The following ZNF624 variants were observed in gnomAD, a reference collection of about 807,000 sequenced individuals.
The protein encoded by ZNF624 is zinc finger protein 624.
Under a neutral mutation model 74.7 loss-of-function variants are expected in ZNF624, and 43 were observed. That is an observed-to-expected ratio of 0.58 (90% confidence interval 0.45 to 0.74). The LOEUF is 0.74. Ranked by LOEUF, ZNF624 falls within the 30% of genes least tolerant of loss-of-function variation. The probability of loss-of-function intolerance (pLI) is 0.00; values close to 1 mark genes in which losing one functional copy is unlikely to be tolerated. For missense variants in ZNF624, 820 were observed against 1,030.0 expected (o/e 0.80, Z 2.79); for synonymous variants, 331 against 341.3 (o/e 0.97, Z 0.33).
At chr17:16,630,979 GTACTCAA>G (rs1909193911) in intron 5 of ZNF624, among the ~76,000 whole-genome samples, 1 of 61,576 alleles carries the variant, frequency 1.6e-5, no homozygotes, top group Non-Finnish European at 3.0e-5. Context: ...TCTAGAAATT[GTACTCAA>G]TACTCAATAC....
intron 2 of ZNF624, 125 bp from the exon 3 acceptor site, chr17:16,647,519 C>T: frequency 2.8e-6 from 2 of 723,244 alleles, no homozygotes; most frequent in South Asian, 1.8e-5. Flanking sequence ...TACTGTTTTA[C>T]TTAGGGCTGA....
intron 4 of ZNF624, 111 bp from the exon 5 acceptor site, chr17:16,634,068 T>C (rs1490460280): frequency 1.4e-5 from 11 of 769,852 alleles, no homozygotes; most frequent in Admixed American, 2.4e-5. Flanking sequence ...CAGGAAGTTC[T>C]AGAGCTGCAC....
rs1908953396 is a variant in ZNF624, at chr17:16,622,733, T to C, written c.2153A>G (p.His718Arg). ...ACATTTAAATGGTTTCTCTCCAGTA[T>C]GTGTTCTTTGATGTGTATTAAAGCC... ...NSGFNTHQRT[H>R]TGEKPFKCND... The change falls in exon 6 of 6, where the codon CAT becomes CGT. Residue 718 changes from histidine (H) to arginine (R), a missense_variant. Coordinates refer to ENST00000311331, the MANE Select transcript of ZNF624 (RefSeq NM_020787.4). The C allele has an allele frequency of 3.1e-6, 5 of 1,613,730 alleles. No homozygotes were observed. The highest frequency in any genetic ancestry group is 4.2e-6 in the Non-Finnish European group (5 of 1,179,998).
intron 1 of ZNF624, among the ~76,000 whole-genome samples, chr17:16,651,202 A>G (rs7210566): frequency 0.33 from 49,369 of 151,750 alleles, 10,631 homozygotes; most frequent in African/African-American, 0.61. Flanking sequence ...CGAGGCGGGC[A>G]GAGCACCTGA....
At position 16,647,305 on chromosome 17, in the gene ZNF624, T is replaced by C. The variant is rs747135092; in HGVS notation, c.153+24A>G. ...AAATAGGCATTTTCTCTGTATTCAT[T>C]ATATGTACAACAGTAGGTATTACCT... On this transcript the variant is annotated intron_variant, in intron 3 of 5. Transcript: ENST00000311331. The C allele has an allele frequency of 3.0e-5, 48 of 1,587,776 alleles. 2 individuals are homozygous for C. The South Asian group carries it at 5.2e-4, about 17-fold the overall frequency.
intron 2 of ZNF624, among the ~76,000 whole-genome samples, chr17:16,647,595 C>A (rs995108477): frequency 2.6e-5 from 4 of 152,014 alleles, no homozygotes; most frequent in African/African-American, 7.3e-5. Context: ...GACAAACACA[C>A]GTAAGATTGA....
chr17:16,620,835 C>G lies in ZNF624; in HGVS notation c.*1453G>C, dbSNP rs748183089. 34 of 152,110 alleles carry G rather than the reference C, an allele frequency of 2.2e-4. No homozygotes were observed. Among genetic ancestry groups the G allele is most frequent in the Admixed American group, 4.6e-4 (7 of 15,256 alleles). 9.4% of individuals were successfully genotyped at this position (152,110 alleles called of 1,614,324 possible). On this transcript the variant is annotated 3_prime_UTR_variant, in exon 6 of 6. Coordinates refer to ENST00000311331, the MANE Select transcript of ZNF624 (RefSeq NM_020787.4). Reference sequence around the variant, plus strand: ...AAGTAAAAAACAAAAAATTGATGAACCACTAAAACAGAAATAACCATCATT... The same window carrying G: ...AAGTAAAAAACAAAAAATTGATGAAGCACTAAAACAGAAATAACCATCATT...
In ZNF624 at chr17:16,622,512, G is replaced by C. The variant is rs1908944494; in HGVS notation, c.2374C>G (p.Leu792Val). The C allele has an allele frequency of 1.2e-6, 2 of 1,613,848 alleles. No individual in the cohort carries two copies. The highest frequency in any genetic ancestry group is 1.7e-6 in the Non-Finnish European group (2 of 1,179,854). Residue 792 changes from leucine to valine, a missense_variant, in exon 6 of 6, where the codon CTA becomes GTA. Transcript: ENST00000311331. ...CKECGKGCIT[L>V]SQLTLHQRIH... ...CTCTGATGTAGGGTTAGCTGTGATA[G>C]AGTAATACAACCCTTTCCACATTCC...
rs1188806876 is a variant in ZNF624 at position 16,622,486 on chromosome 17, T to A, written c.2400A>T (p.Arg800Ser). 1 of 1,613,952 alleles carries A rather than the reference T, an allele frequency of 6.2e-7. No homozygotes were observed. The change falls in exon 6 of 6, where the codon AGA (arginine) becomes AGT (serine). Residue 800 changes from arginine to serine, a missense_variant. Transcript: ENST00000311331. ...TATAGGGCCTCTCCCCAGTATGAAT[T>A]CTCTGATGTAGGGTTAGCTGTGATA... ...ITLSQLTLHQ[R>S]IHTGERPYKC...
chr17:16,642,128 C>T (rs911498187), intron 3 of ZNF624, among the ~76,000 whole-genome samples: 2 of 151,274 alleles, frequency 1.3e-5, no homozygotes, highest in Non-Finnish European at 3.0e-5. Context: ...TTCCATCTGG[C>T]TTTTTTTTTC....
intron 5 of ZNF624, among the ~76,000 whole-genome samples, chr17:16,625,766 TA>T (rs552660531): frequency 3.0e-4 from 46 of 152,214 alleles, no homozygotes; most frequent in African/African-American, 1.1e-3. Context: ...AAAAATTCAT[TA>T]AAAAAATTAC....
At position 16,623,639 on chromosome 17, in the gene ZNF624, T is replaced by C; in HGVS notation, c.1247A>G (p.Tyr416Cys). The C allele has an allele frequency of 6.2e-7, 1 of 1,610,866 alleles. No individual in the cohort carries two copies. The highest frequency in any genetic ancestry group is 8.5e-7 in the Non-Finnish European group (1 of 1,178,900). ...GGCTTTCCCACAATCATCACATTTG[T>C]AGGGTTTCTCACCATTGTGAGTTTC... ...HQETHNGEKP[Y>C]KCDDCGKAFR... The change falls in exon 6 of 6, where the codon TAC becomes TGC. Residue 416 changes from tyrosine to cysteine, a missense_variant. Physicochemically the swap from Tyr to Cys is radical, Grantham distance 194. Transcript: ENST00000311331. The surrounding 1 kb of genome is among the most constrained non-coding windows in gnomAD (Gnocchi z 5.3).
At chr17:16,652,772 G>A (rs906284242) in intron 1 of ZNF624, among the ~76,000 whole-genome samples, 39 of 152,182 alleles carry the variant, frequency 2.6e-4, no homozygotes, top group African/African-American at 9.2e-4. Flanking sequence ...CTATACATAG[G>A]AGTGTGGAAT....
In ZNF624 at chr17:16,636,530, A is replaced by G. The variant is rs1033443243; in HGVS notation, c.154-1774T>C. On this transcript the variant is annotated intron_variant, in intron 3 of 5. Coordinates refer to ENST00000311331, the MANE Select transcript of ZNF624 (RefSeq NM_020787.4). The stretch of plus-strand genomic sequence containing the variant: ...GCAATATGCAATGACATTGCTGAAA[A>G]TATTTTAAAAATCAAAAATCTCAGG... Among the ~76,000 whole-genome samples the G allele has an allele frequency of 3.9e-5, 6 of 152,304 alleles. No homozygotes were observed. In the South Asian group the frequency reaches 1.0e-3, roughly 26 times the overall value.
At position 16,647,316 on chromosome 17, in the gene ZNF624, C is replaced by T; in HGVS notation, c.153+13G>A. ...TTCTCTGTATTCATTATATGTACAA[C>T]AGTAGGTATTACCTTTACCAATTGT... On this transcript the variant is annotated intron_variant, in intron 3 of 5. Transcript: ENST00000311331. 1.2e-6 allele frequency: 2 copies of T among 1,607,932 alleles called. No homozygotes were observed. Among genetic ancestry groups the T allele is most frequent in the Non-Finnish European group, 8.5e-7 (1 of 1,174,310 alleles).
Position 16,622,825 on chromosome 17 carries a change from T to C in ZNF624, c.2061A>G (p.Gln687=), listed in dbSNP as rs537473980. Residue 687 remains glutamine, a synonymous_variant, in exon 6 of 6, where the codon CAA becomes CAG. Transcript: ENST00000311331. ...FTNTSQLTVH[Q]RRHTGEKPYK... ...AGGGCTTCTCTCCAGTATGCCTTCGTTGGTGCACGGTAAGCTGTGATGTAT... is the reference window on the plus strand; with the variant it reads ...AGGGCTTCTCTCCAGTATGCCTTCGCTGGTGCACGGTAAGCTGTGATGTAT... The C allele has an allele frequency of 6.2e-7, 1 of 1,613,934 alleles. No individual in the cohort carries two copies. Among genetic ancestry groups the C allele is most frequent in the South Asian group, 1.1e-5 (1 of 91,064 alleles).
At chr17:16,651,465 TAG>T (rs1484486678) in intron 1 of ZNF624, among the ~76,000 whole-genome samples, 3 of 148,532 alleles carry the variant, frequency 2.0e-5, no homozygotes, top group African/African-American at 7.5e-5. Flanking sequence ...CTTAAAAATG[TAG>T]AGTGACCTGT....
chr17:16,628,469 A>G (rs891976314), intron 5 of ZNF624, among the ~76,000 whole-genome samples: 1 of 152,240 alleles, frequency 6.6e-6, no homozygotes, highest in Non-Finnish European at 1.5e-5. Flanking sequence ...TAAAATAACC[A>G]AATGAAAATT....
intron 3 of ZNF624, among the ~76,000 whole-genome samples, chr17:16,635,006 C>T (rs761926031): frequency 6.6e-6 from 1 of 152,138 alleles, no homozygotes; most frequent in Non-Finnish European, 1.5e-5. Context: ...AGTCTGGCTT[C>T]CTATAAATTA....
Sources: allele counts gnomAD v4.1 joint callset (sites outside exome capture counted in the v4.1 genomes callset), GRCh38; gene constraint gnomAD v4.1.1; non-coding constraint Gnocchi (gnomAD v3.1); transcripts MANE v1.5; gene names NCBI Gene and HGNC (gene_info 2026-07-23, HGNC 2026-07-21).